Variants in STAB2 observed in about 807,000 individuals in gnomAD.
The protein encoded by STAB2 is stabilin-2.
In STAB2, 288 loss-of-function variants were observed where a neutral mutation model predicts 338.1. The observed-to-expected ratio is 0.85, with a 90% CI of 0.77 to 0.94. The LOEUF (loss-of-function observed/expected upper bound fraction) is 0.94, where lower values mean the gene tolerates loss of function less well. Ranked by LOEUF, STAB2 falls within the 40% of genes least tolerant of loss-of-function variation. STAB2 has a pLI of 0.00. For missense variants in STAB2, 3,141 were observed against 3,210.1 expected (o/e 0.98, Z 0.52); for synonymous variants, 1,202 against 1,193.3 (o/e 1.01, Z -0.15).
At chr12:103,668,790 T>C (rs1875423550) in intron 20 of STAB2, 61 bp downstream of exon 20, 3 of 1,435,822 alleles carry the variant, frequency 2.1e-6, no homozygotes, top group East Asian at 2.6e-5. Flanking sequence ...TCCAGGGCCA[T>C]GCTCTTGGGT....
Position 103,755,479 on chromosome 12 carries a change from A to G in STAB2, c.6880+12A>G. ...CTATCGGATGAAAGGTAACCGCCCC[A>G]GCTACACTTCAGGTTCTGGGCCACA... is the stretch of plus-strand genomic sequence containing the variant. On this transcript the variant is annotated intron_variant, in intron 62 of 68. Transcript: ENST00000388887. 1 of 1,612,938 alleles carries G rather than the reference A, an allele frequency of 6.2e-7. No individual in the cohort carries two copies. Among genetic ancestry groups the G allele is most frequent in the Non-Finnish European group, 8.5e-7 (1 of 1,179,120 alleles).
chr12:103,739,527 CTG>C (rs35471201), intron 54 of STAB2, 59 bp downstream of exon 54: 40,804 of 666,896 alleles, frequency 0.061, 696 homozygotes, highest in East Asian at 0.2. Context: ...ATTATCAGAC[CTG>C]TGTGTGTGTG....
At chr12:103,667,745 G>C (rs1384164255) in intron 19 of STAB2, among the ~76,000 whole-genome samples, 1 of 152,166 alleles carries the variant, frequency 6.6e-6, no homozygotes, top group Non-Finnish European at 1.5e-5. Context: ...AAGTCTCATT[G>C]CCCTCTTCTT....
intron 8 of STAB2, 73 bp from the exon 9 acceptor site, chr12:103,640,050 C>A (rs1189961585): frequency 6.6e-7 from 1 of 1,504,492 alleles, no homozygotes. Context: ...AATAAAAATA[C>A]AAATTAAAGA....
At chr12:103,688,776 G>A (rs58651958) in intron 28 of STAB2, among the ~76,000 whole-genome samples, 12,979 of 152,200 alleles carry the variant, frequency 0.085, 860 homozygotes, top group African/African-American at 0.18. Context: ...GAGACTGAGC[G>A]TGCTCTCTTG....
In STAB2 at chr12:103,745,236, G is replaced by C. The variant is rs779639312; in HGVS notation, c.6095G>C (p.Cys2032Ser). 4.3e-6 allele frequency: 7 copies of C among 1,613,890 alleles called. No homozygotes were observed. Among genetic ancestry groups the C allele is most frequent in the Non-Finnish European group, 5.9e-6 (7 of 1,179,996 alleles). Residue 2032 changes from cysteine to serine, a missense_variant, in exon 57 of 69, where the codon TGT (cysteine) becomes TCT (serine). Coordinates refer to ENST00000388887, the MANE Select transcript of STAB2 (RefSeq NM_017564.10). ...DGITGSGQCL[C>S]ETGWTGPSCD... ...ATCACGGGCTCCGGGCAGTGCCTCTGTGAAACGGGGTGGACAGGCCCCTCG... is the reference window on the plus strand; with the variant it reads ...ATCACGGGCTCCGGGCAGTGCCTCTCTGAAACGGGGTGGACAGGCCCCTCG...
intron 3 of STAB2, among the ~76,000 whole-genome samples, chr12:103,607,724 T>C (rs1957054069): frequency 6.6e-6 from 1 of 152,332 alleles, no homozygotes; most frequent in African/African-American, 2.4e-5. Context: ...ACTCATCCTT[T>C]TTTATCGCTG....
chr12:103,764,427 T>C (rs904542194), intron 68 of STAB2, among the ~76,000 whole-genome samples: 5 of 152,168 alleles, frequency 3.3e-5, no homozygotes, highest in Non-Finnish European at 7.3e-5. Flanking sequence ...ATCTCTAGAG[T>C]CAGTGATGCT....
At chr12:103,662,611 C>T (rs1219037919) in intron 17 of STAB2, among the ~76,000 whole-genome samples, 3 of 152,210 alleles carry the variant, frequency 2.0e-5, no homozygotes, top group Admixed American at 6.5e-5. Context: ...CCTGCACCTG[C>T]AAGAACCATT....
chr12:103,699,050 G>T, intron 33 of STAB2, 46 bp from the exon 34 acceptor site: 1 of 1,575,826 alleles, frequency 6.3e-7, no homozygotes, highest in East Asian at 2.3e-5. Context: ...CTGGGTAACT[G>T]TCAGGCTGAT....
At chr12:103,603,850 C>G (rs931271571) in intron 3 of STAB2, among the ~76,000 whole-genome samples, 1 of 152,162 alleles carries the variant, frequency 6.6e-6, no homozygotes, top group Non-Finnish European at 1.5e-5. Context: ...TGCATAACGA[C>G]CCCGTAGCTC....
rs375917813 is a variant in STAB2 at position 103,637,165 on chromosome 12, C to T, written c.638C>T (p.Ser213Phe). ...LCPENSRCSP[S>F]TEDENKLECK... ...CCAGAAAATTCCAGATGTTCGCCTT[C>T]CACTGAAGATGAAAACAAACTGGAA... Residue 213 changes from serine (S) to phenylalanine (F), a missense_variant, in exon 7 of 69, where the codon TCC becomes TTC. By Grantham distance (155) the Ser-to-Phe change is radical. Coordinates refer to ENST00000388887, the MANE Select transcript of STAB2 (RefSeq NM_017564.10). 26 of 1,612,902 alleles carry T rather than the reference C, an allele frequency of 1.6e-5. No individual in the cohort carries two copies. The African/African-American group carries it at 3.2e-4, about 20-fold the overall frequency.
At chr12:103,718,790 G>T (rs1181568364) in intron 44 of STAB2, among the ~76,000 whole-genome samples, 2 of 152,198 alleles carry the variant, frequency 1.3e-5, no homozygotes, top group Non-Finnish European at 2.9e-5. Flanking sequence ...CAGCCATTTA[G>T]ATTCCTCCCA....
In STAB2 at chr12:103,755,342, G is replaced by A; in HGVS notation, c.6755G>A (p.Gly2252Glu). 6.2e-7 allele frequency: 1 copy of A among 1,614,152 alleles called. No individual in the cohort carries two copies. Among genetic ancestry groups the A allele is most frequent in the Non-Finnish European group, 8.5e-7 (1 of 1,180,032 alleles). The change falls in exon 62 of 69, where the codon GGG becomes GAG. Residue 2252 changes from glycine (G) to glutamate (E), a missense_variant. By Grantham distance (98) the Gly-to-Glu change is moderately conservative. Coordinates refer to ENST00000388887, the MANE Select transcript of STAB2 (RefSeq NM_017564.10). ...HLCSAGWLET[G>E]RVAYPTAFAS... is the part of the protein sequence containing the mutation. Reference sequence around the variant, plus strand: ...TGCTCAGCAGGCTGGCTGGAGACCGGGCGGGTTGCCTACCCCACAGCCTTC... The same window carrying A: ...TGCTCAGCAGGCTGGCTGGAGACCGAGCGGGTTGCCTACCCCACAGCCTTC...
At position 103,755,344 on chromosome 12, in the gene STAB2, C is replaced by T. The variant is rs374688619; in HGVS notation, c.6757C>T (p.Arg2253Trp). 2.0e-5 allele frequency: 33 copies of T among 1,613,974 alleles called. No individual in the cohort carries two copies. In the Admixed American group the frequency reaches 2.3e-4, roughly 11 times the overall value. The change falls in exon 62 of 69, where the codon CGG becomes TGG. Residue 2253 changes from arginine to tryptophan, a missense_variant. Transcript: ENST00000388887. ...LCSAGWLETG[R>W]VAYPTAFASQ... ...CTCAGCAGGCTGGCTGGAGACCGGG[C>T]GGGTTGCCTACCCCACAGCCTTCGC...
At chr12:103,692,599 G>C (rs762027597) in intron 30 of STAB2, among the ~76,000 whole-genome samples, 25 of 139,880 alleles carry the variant, frequency 1.8e-4, no homozygotes, top group Admixed American at 3.0e-4. Flanking sequence ...CTCTGTCTCT[G>C]TGTGTGTGTG....
intron 6 of STAB2, among the ~76,000 whole-genome samples, chr12:103,631,984 C>A (rs1484778969): frequency 3.9e-5 from 6 of 151,982 alleles, no homozygotes; most frequent in Admixed American, 2.6e-4. Flanking sequence ...AGAGGGACAC[C>A]GGGACTGGGA....
chr12:103,698,996 T>G (rs920494824), intron 33 of STAB2, 100 bp from the exon 34 acceptor site: 4 of 1,423,796 alleles, frequency 2.8e-6, no homozygotes, highest in Non-Finnish European at 2.8e-6. Flanking sequence ...GGACAAGCTG[T>G]TGTTCCTCTT....
At chr12:103,596,578 G>GTGGGA (rs1204030722) in intron 3 of STAB2, among the ~76,000 whole-genome samples, 1 of 152,188 alleles carries the variant, frequency 6.6e-6, no homozygotes, top group Non-Finnish European at 1.5e-5. Context: ...AAGGAATTTT[G>GTGGGA]TAAGTGTTTA....
Sources: gnomAD v4.1 joint callset for allele counts (sites outside exome capture counted in the v4.1 genomes callset) on GRCh38, gnomAD v4.1.1 for gene constraint, MANE v1.5 for transcripts, NCBI Gene and HGNC (gene_info 2026-07-23, HGNC 2026-07-21) for gene names.